Variants in SART3 observed in about 807,000 individuals in gnomAD.
SART3 encodes HIV-1 Tat-interacting protein of 110kDa.
A neutral mutation model predicts 122.3 loss-of-function variants in SART3; 44 were observed. That is an observed-to-expected ratio of 0.36 (90% confidence interval 0.28 to 0.46). The LOEUF is 0.46. Among genes scored for constraint, SART3 ranks in the 20% least tolerant of loss-of-function variants. The probability of loss-of-function intolerance (pLI) is 1.00; values close to 1 mark genes in which losing one functional copy is unlikely to be tolerated. For missense variants in SART3, 1,101 were observed against 1,229.0 expected (o/e 0.90, Z 1.56); for synonymous variants, 442 against 454.0 (o/e 0.97, Z 0.34).
rs529035513 is a variant in SART3, at chr12:108,527,891, G to A, written c.1916-1338C>T. On this transcript the variant is annotated intron_variant, in intron 15 of 18. Transcript: ENST00000546815. ...AGTAATTCTCCTGTCTCAGCCTCCC[G>A]AGTAGCTGGGAAAACAGGCACCCGC... 9.1e-4 allele frequency among the ~76,000 whole-genome samples: 138 copies of A among 151,996 alleles called. 1 individual carries two copies. Among genetic ancestry groups the A allele is most frequent in the African/African-American group, 3.3e-3 (136 of 41,474 alleles).
rs1234563591 is a variant in SART3, at chr12:108,537,562, A to T, written c.1235T>A (p.Ile412Asn). The T allele has an allele frequency of 4.3e-6, 7 of 1,614,118 alleles. No individual in the cohort carries two copies. Among genetic ancestry groups the T allele is most frequent in the African/African-American group, 1.3e-5 (1 of 75,064 alleles). The part of the protein sequence containing the change: ...TFEKALNAGF[I>N]QATDYVEIWQ... Reference sequence around the variant, plus strand: ...AATCTCCACATAATCAGTGGCCTGGATGAAGCCGGCATTCAAAGCTTTCTC... The same window carrying T: ...AATCTCCACATAATCAGTGGCCTGGTTGAAGCCGGCATTCAAAGCTTTCTC... Residue 412 changes from isoleucine (I) to asparagine (N), a missense_variant, in exon 9 of 19, where the codon ATC becomes AAC. By Grantham distance (149) the Ile-to-Asn change is moderately radical. Coordinates refer to ENST00000546815, the MANE Select transcript of SART3 (RefSeq NM_014706.4).
chr12:108,524,166 T>G (rs1470151446), intron 18 of SART3, 150 bp downstream of exon 18: 1 of 781,660 alleles, frequency 1.3e-6, no homozygotes, highest in Admixed American at 1.8e-5. Flanking sequence ...CTTGCTCCAG[T>G]GGAACCACAG....
At chr12:108,530,342 A>T (rs1206732502) in intron 14 of SART3, 32 bp from the exon 15 acceptor site, 2 of 1,611,472 alleles carry the variant, frequency 1.2e-6, no homozygotes, top group African/African-American at 2.7e-5. Flanking sequence ...GCATCGCTGG[A>T]TGTGGCAATT....
Position 108,538,809 on chromosome 12 carries a change from G to A in SART3, c.1062+125C>T, listed in dbSNP as rs1593240451. ...AACTTTCTAAACGAGTTGGCAAAGAGGAGAAAAAGCAGATGGAGGAAAAGC... is the reference window on the plus strand; with the variant it reads ...AACTTTCTAAACGAGTTGGCAAAGAAGAGAAAAAGCAGATGGAGGAAAAGC... On this transcript the variant is annotated intron_variant, in intron 7 of 18. Coordinates refer to ENST00000546815, the MANE Select transcript of SART3 (RefSeq NM_014706.4). 9.4e-6 allele frequency: 11 copies of A among 1,169,704 alleles called. No homozygotes were observed. In the East Asian group the frequency reaches 2.5e-4, roughly 27 times the overall value. 72.5% of individuals were successfully genotyped at this position (1,169,704 alleles called of 1,614,324 possible).
intron 1 of SART3, among the ~76,000 whole-genome samples, chr12:108,558,586 T>A (rs1467038462): frequency 6.6e-6 from 1 of 152,022 alleles, no homozygotes; most frequent in East Asian, 1.9e-4. Flanking sequence ...AACCTCTCTT[T>A]CCCCACCTCA....
intron 13 of SART3, 79 bp from the exon 14 acceptor site, chr12:108,531,359 T>A: frequency 9.3e-7 from 1 of 1,071,688 alleles, no homozygotes. Context: ...TTAATTTCTC[T>A]GTACCTCCAG....
intron 9 of SART3, 133 bp from the exon 10 acceptor site, chr12:108,536,918 GCCAA>G: frequency 2.6e-6 from 2 of 771,790 alleles, no homozygotes; most frequent in East Asian, 5.4e-5. Context: ...AAATAAAATT[GCCAA>G]TTCCTGCCCT....
At chr12:108,528,482 C>CAAA (rs398039961) in intron 15 of SART3, among the ~76,000 whole-genome samples, 11 of 98,458 alleles carry the variant, frequency 1.1e-4, no homozygotes, top group Admixed American at 2.4e-4. Context: ...GACTCCCTCT[C>CAAA]AAAAAAAAAA....
At chr12:108,535,825 C>T (rs1872880859) in intron 11 of SART3, among the ~76,000 whole-genome samples, 1 of 151,062 alleles carries the variant, frequency 6.6e-6, no homozygotes, top group South Asian at 2.1e-4. Context: ...TAAATGCACA[C>T]TCTGCTACTA....
chr12:108,537,684 A>G (rs1424042295), intron 8 of SART3, 89 bp from the exon 9 acceptor site: 23 of 960,324 alleles, frequency 2.4e-5, no homozygotes, highest in Non-Finnish European at 3.8e-5. Context: ...AAAACACTAC[A>G]TGACTTTAAA....
intron 13 of SART3, chr12:108,531,636 TG>T: frequency 3.4e-6 from 1 of 295,540 alleles, no homozygotes; most frequent in Non-Finnish European, 6.5e-6. Flanking sequence ...TGGTGGTCTT[TG>T]CAAGCCAGTT....
intron 1 of SART3, among the ~76,000 whole-genome samples, chr12:108,554,696 T>A (rs2030145046): frequency 6.7e-6 from 1 of 148,884 alleles, no homozygotes; most frequent in African/African-American, 2.4e-5. Flanking sequence ...ATTTAGTAAA[T>A]TTAATAATAC....
intron 5 of SART3, among the ~76,000 whole-genome samples, chr12:108,543,472 A>G (rs978217929): frequency 4.6e-5 from 7 of 152,256 alleles, no homozygotes; most frequent in Admixed American, 4.6e-4. Context: ...TCTACAAGGT[A>G]GTCTATTGTG....
intron 15 of SART3, among the ~76,000 whole-genome samples, chr12:108,527,553 C>T (rs1872440862): frequency 6.6e-6 from 1 of 152,174 alleles, no homozygotes; most frequent in Admixed American, 6.5e-5. Context: ...GATCACACAC[C>T]ACTGCGGTCA....
intron 1 of SART3, 98 bp downstream of exon 1, chr12:108,560,745 G>T (rs1300745792): frequency 8.9e-7 from 1 of 1,129,512 alleles, no homozygotes; most frequent in Admixed American, 2.8e-5. Context: ...CAGCCTTGGC[G>T]GCTTTATCGC....
chr12:108,536,976 T>A (rs1314242877), intron 9 of SART3, 191 bp from the exon 10 acceptor site: 4 of 610,024 alleles, frequency 6.6e-6, no homozygotes, highest in Non-Finnish European at 1.2e-5. Context: ...GAATAGAGCA[T>A]GGACAGCGTG....
Position 108,524,434 on chromosome 12 carries a change from T to C in SART3, c.2596A>G (p.Ile866Val), listed in dbSNP as rs754873037. Reference sequence around the variant, plus strand: ...GCCACTTTGATGATGTTCTCTTTGATAGTCATGCCGTCCATCTTCATCACA... The same window carrying C: ...GCCACTTTGATGATGTTCTCTTTGACAGTCATGCCGTCCATCTTCATCACA... The part of the protein sequence containing the change: ...QAVMKMDGMT[I>V]KENIIKVAIS... The change falls in exon 18 of 19, where the codon ATC (isoleucine) becomes GTC (valine). Residue 866 changes from isoleucine (I) to valine (V), a missense_variant. By Grantham distance (29) the Ile-to-Val change is conservative (BLOSUM62 3). Around this residue, in one of 2 missense-constraint regions of SART3, gnomAD observed 885 missense variants for 1,080.1 expected, o/e 0.82. Transcript: ENST00000546815. 5.0e-6 allele frequency: 8 copies of C among 1,614,188 alleles called. No homozygotes were observed. Among genetic ancestry groups the C allele is most frequent in the Non-Finnish European group, 5.9e-6 (7 of 1,180,000 alleles).
intron 8 of SART3, 112 bp from the exon 9 acceptor site, chr12:108,537,707 CA>C: frequency 1.2e-6 from 1 of 812,150 alleles, no homozygotes; most frequent in Non-Finnish European, 2.1e-6. Flanking sequence ...CTAATAGATG[CA>C]ACAGAATGAA....
intron 1 of SART3, among the ~76,000 whole-genome samples, chr12:108,558,611 C>T (rs956454688): frequency 6.6e-6 from 1 of 152,182 alleles, no homozygotes; most frequent in Non-Finnish European, 1.5e-5. Flanking sequence ...ATAGGCTCAT[C>T]GAAAGGCCCA....
Sources: gnomAD v4.1 joint callset for allele counts (sites outside exome capture counted in the v4.1 genomes callset) on GRCh38, gnomAD v4.1.1 for gene constraint, gnomAD v4.1.1 regional missense constraint, MANE v1.5 for transcripts, NCBI Gene and HGNC (gene_info 2026-07-23, HGNC 2026-07-21) for gene names.